Variants in MAGI2 observed in about 807,000 individuals in gnomAD.
MAGI2 encodes the protein membrane-associated guanylate kinase, WW and PDZ domain-containing protein 2.
A neutral mutation model predicts 133.3 loss-of-function variants in MAGI2; 35 were observed. The observed-to-expected ratio is 0.26, with a 90% CI of 0.20 to 0.35. The LOEUF (loss-of-function observed/expected upper bound fraction) is 0.35, where lower values mean the gene tolerates loss of function less well. Among genes scored for constraint, MAGI2 ranks in the 10% least tolerant of loss-of-function variants. The probability of loss-of-function intolerance (pLI) is 1.00; values close to 1 mark genes in which losing one functional copy is unlikely to be tolerated. For missense variants in MAGI2, 1,636 were observed against 1,863.4 expected (o/e 0.88, Z 2.25); for synonymous variants, 729 against 710.6 (o/e 1.03, Z -0.41).
chr7:78,530,062 C>G (rs1584513175), intron 3 of MAGI2, among the ~76,000 whole-genome samples: 1 of 152,116 alleles, frequency 6.6e-6, no homozygotes, highest in African/African-American at 2.4e-5. Flanking sequence ...AGCTGCTATA[C>G]TGGACAGCAC....
chr7:78,683,884 C>T (rs73145170), intron 2 of MAGI2, among the ~76,000 whole-genome samples: 7,550 of 152,200 alleles, frequency 0.05, 276 homozygotes, highest in Non-Finnish European at 0.077. Flanking sequence ...TGATAAAATA[C>T]CAGTTTTTGC....
At chr7:78,906,209 A>C (rs1403236718) in intron 2 of MAGI2, among the ~76,000 whole-genome samples, 1 of 152,218 alleles carries the variant, frequency 6.6e-6, no homozygotes, top group Non-Finnish European at 1.5e-5. Flanking sequence ...TCTCCACTAT[A>C]ATCGTGGGAA....
At chr7:78,171,663 T>C (rs1826119366) in intron 14 of MAGI2, among the ~76,000 whole-genome samples, 1 of 152,224 alleles carries the variant, frequency 6.6e-6, no homozygotes, top group Non-Finnish European at 1.5e-5. Flanking sequence ...CTAAGACACC[T>C]ATTCCCGTTA....
chr7:78,044,407 C>T (rs1259267808), intron 21 of MAGI2, among the ~76,000 whole-genome samples: 1 of 152,154 alleles, frequency 6.6e-6, no homozygotes, highest in Non-Finnish European at 1.5e-5. Context: ...GGTGTAAGGG[C>T]CACCCACGAT....
chr7:79,037,218 G>T (rs1437186354), intron 1 of MAGI2, among the ~76,000 whole-genome samples: 4 of 152,028 alleles, frequency 2.6e-5, no homozygotes, highest in Admixed American at 1.3e-4. Flanking sequence ...CTATTATGTG[G>T]GGAAAAAATG....
At chr7:78,131,397 C>T (rs1049784438) in intron 18 of MAGI2, among the ~76,000 whole-genome samples, 2 of 152,210 alleles carry the variant, frequency 1.3e-5, no homozygotes, top group Non-Finnish European at 2.9e-5. Flanking sequence ...TGTAGAAATA[C>T]CACCTGTGGC....
At chr7:79,088,190 C>T (rs1436464038) in intron 1 of MAGI2, among the ~76,000 whole-genome samples, 1 of 151,958 alleles carries the variant, frequency 6.6e-6, no homozygotes, top group Admixed American at 6.6e-5. Context: ...TAGTAGTTCT[C>T]CTTGACGAAC....
At chr7:78,980,116 C>T (rs1351888283) in intron 2 of MAGI2, among the ~76,000 whole-genome samples, 1 of 151,444 alleles carries the variant, frequency 6.6e-6, no homozygotes, top group Non-Finnish European at 1.5e-5. Context: ...TCTGACTCTT[C>T]TAGTTATGAG....
At chr7:79,443,769 G>C (rs920952376) in intron 1 of MAGI2, among the ~76,000 whole-genome samples, 1 of 152,150 alleles carries the variant, frequency 6.6e-6, no homozygotes, top group African/African-American at 2.4e-5. Flanking sequence ...ATTTATGCTG[G>C]AATTGGGAAA....
chr7:78,573,056 TATATATATATATATATATATAC>T (rs1343191742), intron 3 of MAGI2, among the ~76,000 whole-genome samples: 1 of 99,216 alleles, frequency 1.0e-5, no homozygotes, highest in African/African-American at 4.0e-5. Flanking sequence ...TATATATATA[TATATATATATATATATATATAC>T]ACACACACAC....
intron 2 of MAGI2, among the ~76,000 whole-genome samples, chr7:78,857,553 G>A (rs539123384): frequency 2.0e-5 from 3 of 152,188 alleles, no homozygotes; most frequent in Admixed American, 6.5e-5. Flanking sequence ...GATGCATTAC[G>A]TTTATTGATT....
intron 1 of MAGI2, among the ~76,000 whole-genome samples, chr7:79,072,751 G>A (rs935711420): frequency 5.3e-5 from 8 of 152,090 alleles, no homozygotes; most frequent in African/African-American, 1.9e-4. Context: ...TGAAATATTC[G>A]GCATAGCAGC....
chr7:79,072,807 T>C (rs1236699826), intron 1 of MAGI2, among the ~76,000 whole-genome samples: 2 of 152,200 alleles, frequency 1.3e-5, no homozygotes, highest in African/African-American at 2.4e-5. Flanking sequence ...CTGGACAGTA[T>C]ATAAAGCAGA....
At chr7:78,478,625 A>T (rs917566461) in intron 6 of MAGI2, among the ~76,000 whole-genome samples, 1 of 151,958 alleles carries the variant, frequency 6.6e-6, no homozygotes, top group African/African-American at 2.4e-5. Context: ...TCCAAACAAG[A>T]TGGTGTAGAC....
chr7:78,418,073 G>C (rs969578267), intron 6 of MAGI2, among the ~76,000 whole-genome samples: 1 of 152,098 alleles, frequency 6.6e-6, no homozygotes, highest in Admixed American at 6.6e-5. Context: ...AGAATTGCTT[G>C]AGCCCAGGAG....
chr7:78,941,932 C>T (rs1801020247), intron 2 of MAGI2, among the ~76,000 whole-genome samples: 1 of 152,088 alleles, frequency 6.6e-6, no homozygotes, highest in African/African-American at 2.4e-5. Context: ...ATCACATAAT[C>T]CCTTTGACTT....
chr7:78,058,353 C>T (rs768424925), intron 21 of MAGI2, among the ~76,000 whole-genome samples: 39 of 152,124 alleles, frequency 2.6e-4, no homozygotes, highest in African/African-American at 9.2e-4. Context: ...TCCCTCCCCC[C>T]ACTTTTCCGT....
At chr7:78,807,994 T>G (rs377712782) in intron 2 of MAGI2, among the ~76,000 whole-genome samples, 3 of 152,164 alleles carry the variant, frequency 2.0e-5, no homozygotes, top group East Asian at 3.9e-4. Flanking sequence ...AGCTACTGAC[T>G]ATTGTGGTTT....
chr7:78,521,135 A>G (rs910910689), intron 4 of MAGI2, among the ~76,000 whole-genome samples: 13 of 152,058 alleles, frequency 8.5e-5, no homozygotes, highest in African/African-American at 2.9e-4. Flanking sequence ...TATTGCTACT[A>G]ATATTATATA....
Sources: gnomAD v4.1 joint callset for allele counts (sites outside exome capture counted in the v4.1 genomes callset) on GRCh38, gnomAD v4.1.1 for gene constraint, MANE v1.5 for transcripts, NCBI Gene and HGNC (gene_info 2026-07-23, HGNC 2026-07-21) for gene names.